DYRK2: variants seen among roughly 807,000 people sequenced by gnomAD.
The protein encoded by DYRK2 is dual specificity tyrosine phosphorylation regulated kinase 2.
A neutral mutation model predicts 41.6 loss-of-function variants in DYRK2; 12 were observed. That is an observed-to-expected ratio of 0.29 (90% CI 0.18 to 0.47). The LOEUF is 0.47. Among genes scored for constraint, DYRK2 ranks in the 20% least tolerant of loss-of-function variants. The pLI is 1.00. For synonymous variants in DYRK2, 322 were observed against 315.7 expected (o/e 1.02, Z -0.21); for missense variants, 678 against 798.4 (o/e 0.85, Z 1.82).
At position 67,657,833 on chromosome 12, in the gene DYRK2, A is replaced by C. The variant is rs1221731740; in HGVS notation, c.926A>C (p.Tyr309Ser). The C allele has an allele frequency of 6.2e-7, 1 of 1,614,182 alleles. No individual in the cohort carries two copies. Among genetic ancestry groups the C allele is most frequent in the Admixed American group, 1.7e-5 (1 of 60,022 alleles). The change falls in exon 3 of 3, where the codon TAT becomes TCT. Residue 309 changes from tyrosine (Y) to serine (S), a missense_variant. Physicochemically the swap from Tyr to Ser is moderately radical, Grantham distance 144 (BLOSUM62 -2). This residue lies in a region of DYRK2 where 393 missense variants were observed against 519.1 expected (regional missense o/e 0.76). Transcript: ENST00000344096. The surrounding 1 kb of genome is among the most constrained non-coding windows in gnomAD (Gnocchi z 4.8). ...MTFELLSMNL[Y>S]ELIKKNKFQG... ...TTTGAGCTGCTGAGCATGAACCTCT[A>C]TGAGCTCATCAAGAAGAATAAATTC...
rs747908377 is a variant in DYRK2, at chr12:67,658,691, T to A, written c.1784T>A (p.Val595Glu). ...DANGNIQQRT[V>E]LPKLVS Reference sequence around the variant, plus strand: ...AATGGGAATATTCAGCAGAGGACAGTGTTGCCAAAACTTGTTAGCTGAGCT... The same window carrying A: ...AATGGGAATATTCAGCAGAGGACAGAGTTGCCAAAACTTGTTAGCTGAGCT... Residue 595 changes from valine (V) to glutamate (E), a missense_variant, in exon 3 of 3, where the codon GTG (valine) becomes GAG (glutamate). Physicochemically the swap from Val to Glu is moderately radical, Grantham distance 121. Around this residue, in one of 2 missense-constraint regions of DYRK2, gnomAD observed 393 missense variants for 519.1 expected, o/e 0.76. Coordinates refer to ENST00000344096, the MANE Select transcript of DYRK2 (RefSeq NM_006482.3). The surrounding 1 kb of genome is among the most constrained non-coding windows in gnomAD (Gnocchi z 4.3). The A allele has an allele frequency of 6.2e-7, 1 of 1,609,040 alleles. No individual in the cohort carries two copies. Among genetic ancestry groups the A allele is most frequent in the Non-Finnish European group, 8.5e-7 (1 of 1,177,694 alleles).
intron 2 of DYRK2, among the ~76,000 whole-genome samples, chr12:67,656,766 T>C (rs1417226940): frequency 6.6e-6 from 1 of 152,188 alleles, no homozygotes; most frequent in Non-Finnish European, 1.5e-5. Flanking sequence ...TATGTGTGCA[T>C]GTTTTTTTCT....
At chr12:67,655,252 A>C (rs958530203) in intron 2 of DYRK2, among the ~76,000 whole-genome samples, 1 of 152,206 alleles carries the variant, frequency 6.6e-6, no homozygotes, top group African/African-American at 2.4e-5. Context: ...GCATGTATAC[A>C]GGTAATGTGA....
chr12:67,652,861 ACT>A (rs1445835916), intron 2 of DYRK2, among the ~76,000 whole-genome samples: 2 of 151,892 alleles, frequency 1.3e-5, no homozygotes, highest in Non-Finnish European at 1.5e-5. Context: ...ACGGAGTCTC[ACT>A]CTGTTGCCCA....
intron 2 of DYRK2, among the ~76,000 whole-genome samples, chr12:67,652,853 G>A (rs1430533447): frequency 4.0e-5 from 6 of 151,782 alleles, no homozygotes; most frequent in Admixed American, 6.6e-5. Context: ...TTTTTGAGAC[G>A]GAGTCTCACT....
chr12:67,654,640 A>G (rs1237049104), intron 2 of DYRK2, among the ~76,000 whole-genome samples: 2 of 152,212 alleles, frequency 1.3e-5, no homozygotes, highest in Non-Finnish European at 2.9e-5. Context: ...CCAGGCACAC[A>G]GTGCTGAGGA....
Position 67,659,427 on chromosome 12 carries a change from C to T in DYRK2, c.*714C>T, listed in dbSNP as rs755207939. On this transcript the variant is annotated 3_prime_UTR_variant, in exon 3 of 3. Coordinates refer to ENST00000344096, the MANE Select transcript of DYRK2 (RefSeq NM_006482.3). The stretch of plus-strand genomic sequence containing the variant: ...TCGGTGAGCTGTTTTGTAAAGAAGC[C>T]TCATATTACAGAGTTGCTTTTGCAC... 1 of 167,060 alleles carries T rather than the reference C, an allele frequency of 6.0e-6. No individual in the cohort carries two copies. The highest frequency in any genetic ancestry group is 1.5e-5 in the Non-Finnish European group (1 of 68,118). 10.3% of individuals were successfully genotyped at this position (167,060 alleles called of 1,614,324 possible). A position where few individuals can be genotyped will look rare whatever the true frequency, so the allele number is the denominator to read the frequency against.
chr12:67,651,098 C>G (rs1872309206), intron 2 of DYRK2, among the ~76,000 whole-genome samples: 1 of 152,194 alleles, frequency 6.6e-6, no homozygotes. Context: ...CCCCCTCCCT[C>G]TGTCTGTCTC....
At chr12:67,653,817 A>G (rs1290934665) in intron 2 of DYRK2, among the ~76,000 whole-genome samples, 1 of 152,210 alleles carries the variant, frequency 6.6e-6, no homozygotes, top group East Asian at 1.9e-4. Flanking sequence ...GGACTTGGAA[A>G]CATAAGAGGG....
rs1324814676 is a variant in DYRK2, at chr12:67,658,642, A to G, written c.1735A>G (p.Asn579Asp). The change falls in exon 3 of 3, where the codon AAT becomes GAT. Residue 579 changes from asparagine (N) to aspartate (D), a missense_variant. Physicochemically the swap from Asn to Asp is conservative, Grantham distance 23. This residue lies in a region of DYRK2 where 393 missense variants were observed against 519.1 expected (regional missense o/e 0.76). Coordinates refer to ENST00000344096, the MANE Select transcript of DYRK2 (RefSeq NM_006482.3). The surrounding 1 kb of genome is among the most constrained non-coding windows in gnomAD (Gnocchi z 4.3). Reference sequence around the variant, plus strand: ...TAGCTCAGCTTCCAAACTGAGGACTAATTTGGCGCAGATGACAGATGCCAA... The same window carrying G: ...TAGCTCAGCTTCCAAACTGAGGACTGATTTGGCGCAGATGACAGATGCCAA... The part of the protein sequence containing the change: ...PSSSASKLRT[N>D]LAQMTDANGN... 6.2e-7 allele frequency: 1 copy of G among 1,614,136 alleles called. No homozygotes were observed. Among genetic ancestry groups the G allele is most frequent in the Admixed American group, 1.7e-5 (1 of 60,016 alleles).
In DYRK2 at chr12:67,664,079, C is replaced by T. The variant is rs1280386641; in HGVS notation, c.*5366C>T. ...CCTTTGGGTTATTAGGCAGATAAAC[C>T]CTTGTCATTAGTAATACTTAGCACT... On this transcript the variant is annotated 3_prime_UTR_variant, in exon 3 of 3. Transcript: ENST00000344096. 1 of 151,970 alleles carries T rather than the reference C, an allele frequency of 6.6e-6. No individual in the cohort carries two copies. The highest frequency in any genetic ancestry group is 1.5e-5 in the Non-Finnish European group (1 of 67,980). The allele number at this position is 151,970 out of a possible 1,614,324, so 9.4% of individuals were successfully genotyped here.
In DYRK2 at chr12:67,658,536, C is replaced by A; in HGVS notation, c.1629C>A (p.Pro543=). The stretch of plus-strand genomic sequence containing the variant: ...TGAGGAGGCGGTTGCCAAAGCCTCC[C>A]ACCGGGGAGAAAACGTCAGTGAAAA... The part of the protein sequence containing the change: ...PWLRRRLPKP[P]TGEKTSVKRI... The change falls in exon 3 of 3, where the codon CCC becomes CCA. Residue 543 remains proline (P), a synonymous_variant. Transcript: ENST00000344096. This position sits in a 1 kb window ranked among gnomAD's most constrained non-coding sequence, Gnocchi z 4.3. The A allele has an allele frequency of 6.2e-7, 1 of 1,613,830 alleles. No homozygotes were observed.
Position 67,649,913 on chromosome 12 carries a change from C to G in DYRK2, c.166C>G (p.Arg56Gly). Residue 56 changes from arginine to glycine, a missense_variant, in exon 2 of 3, where the codon CGG becomes GGG. Transcript: ENST00000344096. ...PPSPIALPPL[R>G]ASNAAAAAHT... ...CTCCCCCATCGCCCTGCCGCCTCTC[C>G]GGGCCAGCAACGCTGCCGCCGCAGC... 1.4e-6 allele frequency: 2 copies of G among 1,384,098 alleles called. No homozygotes were observed. The highest frequency in any genetic ancestry group is 1.9e-6 in the Non-Finnish European group (2 of 1,075,854). The allele number at this position is 1,384,098 out of a possible 1,614,324, so 85.7% of individuals were successfully genotyped here.
At position 67,665,190 on chromosome 12, in the gene DYRK2, C is replaced by T. The variant is rs1231489686; in HGVS notation, c.*6477C>T. The T allele has an allele frequency of 1.3e-5, 2 of 152,032 alleles. No individual in the cohort carries two copies. Among genetic ancestry groups the T allele is most frequent in the East Asian group, 1.9e-4 (1 of 5,204 alleles). The allele number at this position is 152,032 out of a possible 1,614,324, so 9.4% of individuals were successfully genotyped here. ...TATTGTGTCTTTCCTTGCTTTTTAT[C>T]CCAATTTATCTCCCCTCCTAAGTTT... On this transcript the variant is annotated 3_prime_UTR_variant, in exon 3 of 3. Coordinates refer to ENST00000344096, the MANE Select transcript of DYRK2 (RefSeq NM_006482.3).
Position 67,656,995 on chromosome 12 carries a change from T to C in DYRK2, c.199-111T>C, listed in dbSNP as rs531415662. 40 of 1,190,382 alleles carry C rather than the reference T, an allele frequency of 3.4e-5. No individual in the cohort carries two copies. In the African/African-American group the frequency reaches 5.3e-4, roughly 16 times the overall value. The allele number at this position is 1,190,382 out of a possible 1,614,324, so 73.7% of individuals were successfully genotyped here. A position where few individuals can be genotyped will look rare whatever the true frequency, so the allele number is the denominator to read the frequency against. On this transcript the variant is annotated intron_variant, in intron 2 of 2. Coordinates refer to ENST00000344096, the MANE Select transcript of DYRK2 (RefSeq NM_006482.3). Reference sequence around the variant, plus strand: ...TTTTGTGGCTTTTACTCAAACCAAATGGGATTTTGTAAATGTGAGGTTGGG... The same window carrying C: ...TTTTGTGGCTTTTACTCAAACCAAACGGGATTTTGTAAATGTGAGGTTGGG...
In DYRK2 at chr12:67,649,106, C is replaced by T. The variant is rs759323733; in HGVS notation, c.-28C>T. On this transcript the variant is annotated 5_prime_UTR_variant, in exon 1 of 3. Coordinates refer to ENST00000344096, the MANE Select transcript of DYRK2 (RefSeq NM_006482.3). ...AGGACCGGCGGCGGCGACGGCAGCCCTGAAATGCATTTTCCTCTCCAGCGG... is the reference window on the plus strand; with the variant it reads ...AGGACCGGCGGCGGCGACGGCAGCCTTGAAATGCATTTTCCTCTCCAGCGG... 2.0e-6 allele frequency: 3 copies of T among 1,499,154 alleles called. No individual in the cohort carries two copies. In the Admixed American group the frequency reaches 6.2e-5, roughly 31 times the overall value. The allele number at this position is 1,499,154 out of a possible 1,614,324, so 92.9% of individuals were successfully genotyped here.
chr12:67,651,097 T>G (rs1302401267), intron 2 of DYRK2, among the ~76,000 whole-genome samples: 1 of 152,184 alleles, frequency 6.6e-6, no homozygotes, highest in East Asian at 1.9e-4. Context: ...TCCCCCTCCC[T>G]CTGTCTGTCT....
intron 2 of DYRK2, among the ~76,000 whole-genome samples, chr12:67,655,505 A>G (rs1872442137): frequency 6.6e-6 from 1 of 152,186 alleles, no homozygotes; most frequent in Non-Finnish European, 1.5e-5. Flanking sequence ...CAAGGGTAAA[A>G]TAACCTTTCT....
In DYRK2 at chr12:67,662,482, A is replaced by G. The variant is rs940065363; in HGVS notation, c.*3769A>G. On this transcript the variant is annotated 3_prime_UTR_variant, in exon 3 of 3. Coordinates refer to ENST00000344096, the MANE Select transcript of DYRK2 (RefSeq NM_006482.3). ...ATATGTATGTAAAAATTTCTGTGAGATGCTGCTGTCGCCACTTAACATTAA... is the reference window on the plus strand; with the variant it reads ...ATATGTATGTAAAAATTTCTGTGAGGTGCTGCTGTCGCCACTTAACATTAA... The G allele has an allele frequency of 6.0e-6, 1 of 166,796 alleles. No homozygotes were observed. Among genetic ancestry groups the G allele is most frequent in the African/African-American group, 2.4e-5 (1 of 41,434 alleles). The allele number at this position is 166,796 out of a possible 1,614,324, so 10.3% of individuals were successfully genotyped here.
Sources: gnomAD v4.1 joint callset for allele counts (sites outside exome capture counted in the v4.1 genomes callset) on GRCh38, gnomAD v4.1.1 for gene constraint, gnomAD v4.1.1 regional missense constraint, Gnocchi (gnomAD v3.1) non-coding constraint, MANE v1.5 for transcripts, NCBI Gene and HGNC (gene_info 2026-07-23, HGNC 2026-07-21) for gene names.